The following CA10 variants were observed in gnomAD, a reference collection of about 807,000 sequenced individuals.
CA10 encodes carbonic anhydrase 10 (inactive), also known as carbonic anhydrase-related protein 10.
A neutral mutation model predicts 44.2 loss-of-function variants in CA10; 14 were observed. The observed-to-expected ratio is 0.32, with a 90% CI of 0.21 to 0.50. The LOEUF (loss-of-function observed/expected upper bound fraction) is 0.50. Ranked by LOEUF, CA10 falls within the 20% of genes least tolerant of loss-of-function variation. CA10 has a pLI of 0.99. For missense variants in CA10, 350 were observed against 409.7 expected, an observed-to-expected ratio of 0.85 and a Z score of 1.26; for synonymous variants, 159 against 141.6, an observed-to-expected ratio of 1.12 and a Z score of -0.87.
intron 3 of CA10, among the ~76,000 whole-genome samples, chr17:51,895,335 T>C (rs1399939250): frequency 1.3e-5 from 2 of 151,908 alleles, no homozygotes; most frequent in Non-Finnish European, 2.9e-5. Flanking sequence ...CTGTAAAAAG[T>C]TAAAGAAGTA....
intron 3 of CA10, among the ~76,000 whole-genome samples, chr17:51,764,678 G>C (rs1238542972): frequency 2.0e-5 from 3 of 152,114 alleles, no homozygotes; most frequent in African/African-American, 7.2e-5. Context: ...TGACTCCAAG[G>C]GCCCAGTACC....
At chr17:52,127,697 T>C (rs1989150042) in intron 1 of CA10, among the ~76,000 whole-genome samples, 1 of 152,242 alleles carries the variant, frequency 6.6e-6, no homozygotes, top group Admixed American at 6.5e-5. Context: ...GGATCTCAGC[T>C]GGCAATGGTT....
chr17:51,729,386 A>C (rs1049619606), intron 4 of CA10, among the ~76,000 whole-genome samples: 3 of 152,126 alleles, frequency 2.0e-5, no homozygotes, highest in African/African-American at 7.2e-5. Context: ...CACACAAACA[A>C]ACACACAGTG....
intron 3 of CA10, among the ~76,000 whole-genome samples, chr17:51,792,047 TGA>T (rs1267725911): frequency 6.6e-6 from 1 of 152,142 alleles, no homozygotes; most frequent in African/African-American, 2.4e-5. Flanking sequence ...AGACAACAAG[TGA>T]GAGAGAAATA....
intron 3 of CA10, among the ~76,000 whole-genome samples, chr17:51,796,751 A>C (rs1430806644): frequency 6.6e-6 from 1 of 151,680 alleles, no homozygotes; most frequent in African/African-American, 2.4e-5. Context: ...TTCCTCTCCA[A>C]CTCCCTGTAG....
chr17:52,041,112 A>G (rs767823986), intron 2 of CA10, among the ~76,000 whole-genome samples: 1 of 152,090 alleles, frequency 6.6e-6, no homozygotes, highest in Non-Finnish European at 1.5e-5. Context: ...TTCCAAGCCT[A>G]CAAGAGATTC....
intron 2 of CA10, among the ~76,000 whole-genome samples, chr17:52,051,211 T>C (rs990845824): frequency 6.6e-6 from 1 of 151,850 alleles, no homozygotes; most frequent in Admixed American, 6.6e-5. Context: ...GAAGACAACC[T>C]AGGCAATACC....
intron 2 of CA10, among the ~76,000 whole-genome samples, chr17:51,990,609 T>A (rs2144102867): frequency 6.6e-6 from 1 of 152,248 alleles, no homozygotes; most frequent in Admixed American, 6.6e-5. Context: ...TGTACATCAA[T>A]TAGTGATCCT....
At chr17:52,039,294 T>C (rs1032803729) in intron 2 of CA10, among the ~76,000 whole-genome samples, 6 of 151,578 alleles carry the variant, frequency 4.0e-5, no homozygotes, top group Admixed American at 1.3e-4. Context: ...ATTCTCACTG[T>C]TGACAGGGAT....
At chr17:51,651,582 C>A (rs1174854798) in intron 5 of CA10, among the ~76,000 whole-genome samples, 1 of 152,212 alleles carries the variant, frequency 6.6e-6, no homozygotes, top group Non-Finnish European at 1.5e-5. Context: ...AGCCTGTGGG[C>A]AAGCAACTAG....
chr17:51,830,649 T>A (rs1032934152), intron 3 of CA10, among the ~76,000 whole-genome samples: 3 of 152,158 alleles, frequency 2.0e-5, no homozygotes, highest in African/African-American at 7.2e-5. Context: ...AAGCTGGCAT[T>A]TCTGCTTCAG....
At chr17:52,139,921 TAAGG>T (rs1989440793) in intron 1 of CA10, among the ~76,000 whole-genome samples, 1 of 152,190 alleles carries the variant, frequency 6.6e-6, no homozygotes, top group South Asian at 2.1e-4. Context: ...TGGAGTGAAT[TAAGG>T]AATTATCAAA....
chr17:51,768,255 C>T (rs1461253127), intron 3 of CA10, among the ~76,000 whole-genome samples: 1 of 151,208 alleles, frequency 6.6e-6, no homozygotes, highest in African/African-American at 2.4e-5. Context: ...TTCATTTTGG[C>T]CTGGGATCTT....
rs940556397 is a variant in CA10 at position 51,990,994 on chromosome 17, C to T, written c.137-59862G>A. On this transcript the variant is annotated intron_variant, in intron 2 of 8. Coordinates refer to ENST00000451037, the MANE Select transcript of CA10 (RefSeq NM_020178.5). ...AAAGACGACCATGGTGTGCATATAC[C>T]CTCACCACTTAAGGGCTGTGTGCCC... Among the ~76,000 whole-genome samples the T allele has an allele frequency of 7.9e-5, 12 of 152,178 alleles. No homozygotes were observed. In the South Asian group the frequency reaches 2.1e-3, roughly 26 times the overall value.
chr17:51,747,864 A>C, intron 3 of CA10, 46 bp from the exon 4 acceptor site: 1 of 1,451,338 alleles, frequency 6.9e-7, no homozygotes, highest in Non-Finnish European at 9.5e-7. Context: ...TCCTTCTTCT[A>C]TGCCTCCCCA....
intron 3 of CA10, among the ~76,000 whole-genome samples, chr17:51,905,705 C>G (rs1274096807): frequency 6.6e-6 from 1 of 151,886 alleles, no homozygotes; most frequent in African/African-American, 2.4e-5. Context: ...CATCTGTAAC[C>G]ATAAATCTCA....
At chr17:51,693,670 TTTCA>T (rs1401805203) in intron 4 of CA10, among the ~76,000 whole-genome samples, 1 of 152,152 alleles carries the variant, frequency 6.6e-6, no homozygotes, top group Non-Finnish European at 1.5e-5. Flanking sequence ...AAAATCATGA[TTTCA>T]TTCTTTTTTT....
chr17:52,019,867 G>T (rs1331050248), intron 2 of CA10, among the ~76,000 whole-genome samples: 1 of 151,608 alleles, frequency 6.6e-6, no homozygotes, highest in African/African-American at 2.4e-5. Flanking sequence ...TTACATTCCT[G>T]TTATTTACTT....
intron 2 of CA10, among the ~76,000 whole-genome samples, chr17:51,961,272 T>G (rs1394479659): frequency 6.6e-6 from 1 of 151,646 alleles, no homozygotes; most frequent in Non-Finnish European, 1.5e-5. Context: ...ATATTAAAAT[T>G]TCTGTAATGC....
Sources: gnomAD v4.1 joint callset for allele counts (sites outside exome capture counted in the v4.1 genomes callset) on GRCh38, gnomAD v4.1.1 for gene constraint, MANE v1.5 for transcripts, NCBI Gene and HGNC (gene_info 2026-07-23, HGNC 2026-07-21) for gene names.